NRG1: variants seen among roughly 807,000 people sequenced by gnomAD.
NRG1 encodes neuregulin 1, also known as pro-neuregulin-1, membrane-bound isoform.
A neutral mutation model predicts 63.8 loss-of-function variants in NRG1; 18 were observed. The ratio of observed to expected loss-of-function variants is 0.28; its 90% CI spans 0.19 to 0.42. NRG1 has a LOEUF of 0.42. NRG1 is among the 10% of genes least tolerant of loss of function. NRG1 has a pLI of 1.00. For synonymous variants in NRG1, 302 were observed against 301.3 expected (o/e 1.00, Z -0.02); for missense variants, 762 against 814.7 (o/e 0.94, Z 0.79).
At chr8:31,807,598 T>C (rs2131754852) in intron 1 of NRG1, among the ~76,000 whole-genome samples, 1 of 152,314 alleles carries the variant, frequency 6.6e-6, no homozygotes, top group East Asian at 1.9e-4. Flanking sequence ...GTAAGAAAAC[T>C]GAACATGCTA....
At chr8:31,964,251 T>TATAGGA (rs1805953907) in intron 1 of NRG1, among the ~76,000 whole-genome samples, 1 of 152,200 alleles carries the variant, frequency 6.6e-6, no homozygotes, top group Admixed American at 6.5e-5. Context: ...AGACAGCTAG[T>TATAGGA]GCCAGTAAGG....
At chr8:32,652,276 T>G (rs1855297859) in intron 5 of NRG1, among the ~76,000 whole-genome samples, 1 of 152,174 alleles carries the variant, frequency 6.6e-6, no homozygotes, top group Non-Finnish European at 1.5e-5. Flanking sequence ...CCTGTTTTGC[T>G]CTTATTAAAT....
chr8:32,635,667 A>C (rs1319586872), intron 5 of NRG1, among the ~76,000 whole-genome samples: 2 of 152,184 alleles, frequency 1.3e-5, no homozygotes, highest in Non-Finnish European at 2.9e-5. Context: ...ATTTCTAAAA[A>C]TGTTTTACAT....
chr8:31,821,576 A>G (rs577192472), intron 1 of NRG1, among the ~76,000 whole-genome samples: 1 of 152,250 alleles, frequency 6.6e-6, no homozygotes, highest in East Asian at 1.9e-4. Context: ...ACATTTTTGG[A>G]CCCTTAAGTT....
intron 1 of NRG1, among the ~76,000 whole-genome samples, chr8:31,919,262 C>T (rs1311366227): frequency 1.3e-5 from 2 of 151,814 alleles, no homozygotes; most frequent in Non-Finnish European, 2.9e-5. Context: ...AATGTGTTTT[C>T]ATCTAAATAT....
At chr8:31,696,368 A>G (rs1053188925) in intron 1 of NRG1, among the ~76,000 whole-genome samples, 17 of 152,150 alleles carry the variant, frequency 1.1e-4, no homozygotes, top group African/African-American at 3.9e-4. Context: ...CACTTGGTCT[A>G]TTGAGTGTTT....
chr8:31,778,051 G>T (rs1352209606), intron 1 of NRG1, among the ~76,000 whole-genome samples: 1 of 152,128 alleles, frequency 6.6e-6, no homozygotes, highest in African/African-American at 2.4e-5. Flanking sequence ...TCAATCCCAA[G>T]GTGAGTTGGG....
intron 5 of NRG1, among the ~76,000 whole-genome samples, chr8:32,637,783 C>T (rs149037519): frequency 6.6e-6 from 1 of 152,220 alleles, no homozygotes; most frequent in African/African-American, 2.4e-5. Context: ...GGTTCTGGAG[C>T]ACACATTTTG....
rs184716127 is a variant in NRG1, at chr8:32,403,619, C to T, written c.38-192209C>T. 9.2e-5 allele frequency among the ~76,000 whole-genome samples: 14 copies of T among 152,214 alleles called. No homozygotes were observed. In the East Asian group the frequency reaches 9.7e-4, roughly 11 times the overall value. ...TCCCTGCTCGAAAGTCTCCTTTATA[C>T]GCTCATGTTTCAAAAATTTCACATT... On this transcript the variant is annotated intron_variant, in intron 1 of 10. Transcript: ENST00000519301.
At chr8:32,513,528 T>C (rs1370297827) in intron 1 of NRG1, among the ~76,000 whole-genome samples, 1 of 152,086 alleles carries the variant, frequency 6.6e-6, no homozygotes, top group African/African-American at 2.4e-5. Context: ...TCAGCCTCTA[T>C]CTGTCAAGTA....
intron 5 of NRG1, among the ~76,000 whole-genome samples, chr8:32,680,280 A>G (rs1808244853): frequency 6.6e-6 from 1 of 152,162 alleles, no homozygotes; most frequent in Admixed American, 6.5e-5. Context: ...AGGGTGACCA[A>G]TTGCCCCTGT....
At chr8:31,695,603 C>A (rs1327978534) in intron 1 of NRG1, among the ~76,000 whole-genome samples, 3 of 152,200 alleles carry the variant, frequency 2.0e-5, no homozygotes, top group Non-Finnish European at 4.4e-5. Context: ...TTGGGGATTA[C>A]AATTCAACAT....
intron 1 of NRG1, among the ~76,000 whole-genome samples, chr8:32,329,075 C>T (rs1280913498): frequency 6.6e-6 from 1 of 152,152 alleles, no homozygotes; most frequent in African/African-American, 2.4e-5. Flanking sequence ...CTCAAGCGAT[C>T]CTCCCACCTC....
chr8:32,428,396 G>T (rs1817688476), intron 1 of NRG1, among the ~76,000 whole-genome samples: 1 of 150,058 alleles, frequency 6.7e-6, no homozygotes, highest in South Asian at 2.1e-4. Flanking sequence ...CCTGGAAACA[G>T]TATCTGTAGA....
At chr8:31,773,763 C>T (rs1322279696) in intron 1 of NRG1, among the ~76,000 whole-genome samples, 4 of 148,432 alleles carry the variant, frequency 2.7e-5, no homozygotes, top group African/African-American at 5.0e-5. Flanking sequence ...ATTTTACATT[C>T]GAATATCCTT....
At chr8:31,653,653 G>A (rs774546620) in intron 1 of NRG1, among the ~76,000 whole-genome samples, 1 of 152,196 alleles carries the variant, frequency 6.6e-6, no homozygotes, top group Non-Finnish European at 1.5e-5. Context: ...ATGATGAAAG[G>A]CATCTATGTG....
intron 1 of NRG1, among the ~76,000 whole-genome samples, chr8:32,331,201 A>G (rs1420963750): frequency 6.6e-6 from 1 of 152,022 alleles, no homozygotes; most frequent in Admixed American, 6.6e-5. Context: ...TTCAACAGAA[A>G]GCTTCTTCTT....
intron 1 of NRG1, among the ~76,000 whole-genome samples, chr8:32,304,752 ACACCTGTAATCC>A (rs1855998741): frequency 6.6e-6 from 1 of 152,076 alleles, no homozygotes; most frequent in Non-Finnish European, 1.5e-5. Context: ...TGGTTGTCTC[ACACCTGTAATCC>A]CAGGCGTGAT....
chr8:32,262,270 A>C (rs1790731503), intron 1 of NRG1, among the ~76,000 whole-genome samples: 1 of 152,194 alleles, frequency 6.6e-6, no homozygotes, highest in South Asian at 2.1e-4. Flanking sequence ...TTGTACAGAC[A>C]GGACTGCTTG....
Sources: gnomAD v4.1 joint callset for allele counts (sites outside exome capture counted in the v4.1 genomes callset) on GRCh38, gnomAD v4.1.1 for gene constraint, MANE v1.5 for transcripts, NCBI Gene and HGNC (gene_info 2026-07-23, HGNC 2026-07-21) for gene names.